PAK6: variants seen among roughly 807,000 people sequenced by gnomAD.
PAK6 encodes the protein p21 (RAC1) activated kinase 6.
A neutral mutation model predicts 60.8 loss-of-function variants in PAK6; 33 were observed. That is an observed-to-expected ratio of 0.54 (90% CI 0.41 to 0.73). The LOEUF is 0.73. Ranked by LOEUF, PAK6 falls within the 30% of genes least tolerant of loss-of-function variation. The pLI is 0.00. For synonymous variants in PAK6, 404 were observed against 378.5 expected, an observed-to-expected ratio of 1.07 and a Z score of -0.78; for missense variants, 845 against 904.1, an observed-to-expected ratio of 0.93 and a Z score of 0.84.
chr15:40,265,789 C>G, intron 4 of PAK6, 53 bp from the exon 5 acceptor site: 2 of 1,482,578 alleles, frequency 1.3e-6, no homozygotes, highest in South Asian at 2.8e-5. Flanking sequence ...CCAGCCACCC[C>G]TCCCTGCCAC....
At chr15:40,274,418 A>C in intron 10 of PAK6, 142 bp downstream of exon 10, 2 of 880,554 alleles carry the variant, frequency 2.3e-6, no homozygotes, top group Non-Finnish European at 1.7e-6. Flanking sequence ...TCCCCACACA[A>C]AACCCGCACC....
chr15:40,273,289 C>T, intron 7 of PAK6, 57 bp from the exon 8 acceptor site: 2 of 1,586,678 alleles, frequency 1.3e-6, no homozygotes, highest in South Asian at 2.3e-5. Flanking sequence ...TCAGCCACCC[C>T]ACGACCTGCC....
At chr15:40,253,499 C>CGGTAGGCTGGTAGA (rs2038748344) in intron 3 of PAK6, among the ~76,000 whole-genome samples, 1 of 152,274 alleles carries the variant, frequency 6.6e-6, no homozygotes, top group South Asian at 2.1e-4. Flanking sequence ...CATGGCCCCA[C>CGGTAGGCTGGTAGA]GGTAGGCTGG....
At chr15:40,247,378 T>C (rs1321011148) in intron 2 of PAK6, 1 of 152,002 alleles carries the variant, frequency 6.6e-6, no homozygotes, top group Non-Finnish European at 1.5e-5. Flanking sequence ...CTAAAATGAG[T>C]GTCCTTACCA....
intron 2 of PAK6, chr15:40,252,330 C>A (rs117614422): frequency 8.6e-6 from 11 of 1,275,510 alleles, no homozygotes; most frequent in Non-Finnish European, 9.2e-6. Context: ...GCCACTGGGC[C>A]GTGGAGCCGC....
intron 2 of PAK6, among the ~76,000 whole-genome samples, chr15:40,248,319 A>G (rs2038553588): frequency 6.6e-6 from 1 of 152,210 alleles, no homozygotes. Context: ...AGGAGCAGGA[A>G]GAAGCAGGTG....
chr15:40,255,966 A>G (rs1595578475), intron 3 of PAK6, among the ~76,000 whole-genome samples: 1 of 152,172 alleles, frequency 6.6e-6, no homozygotes, highest in African/African-American at 2.4e-5. Flanking sequence ...GAAGAAGCAA[A>G]CTAAACCACA....
chr15:40,240,395 G>T, intron 1 of PAK6: 1 of 341,564 alleles, frequency 2.9e-6, no homozygotes. Context: ...TGTGTGTCAG[G>T]AGGAGGGGGG....
chr15:40,268,909 C>T (rs1236689908), intron 5 of PAK6, among the ~76,000 whole-genome samples: 1 of 152,212 alleles, frequency 6.6e-6, no homozygotes, highest in Non-Finnish European at 1.5e-5. Context: ...CCACGGGCGT[C>T]CTGCGGGTTC....
At chr15:40,261,048 C>T (rs1039779636) in intron 3 of PAK6, among the ~76,000 whole-genome samples, 5 of 151,836 alleles carry the variant, frequency 3.3e-5, no homozygotes, top group African/African-American at 7.3e-5. Flanking sequence ...ACCACCACAC[C>T]CGGCTAATGT....
At chr15:40,240,317 G>C (rs1460826952) in intron 1 of PAK6, among the ~76,000 whole-genome samples, 1 of 152,200 alleles carries the variant, frequency 6.6e-6, no homozygotes, top group Non-Finnish European at 1.5e-5. Context: ...CCAGGGTACG[G>C]CTTCCCCATG....
At chr15:40,252,486 G>A in intron 2 of PAK6, 2 of 1,363,344 alleles carry the variant, frequency 1.5e-6, no homozygotes, top group South Asian at 2.3e-5. Flanking sequence ...AGCGACACTT[G>A]GCAACTTCTC....
At chr15:40,270,127 C>T (rs1227797135) in intron 5 of PAK6, among the ~76,000 whole-genome samples, 1 of 152,156 alleles carries the variant, frequency 6.6e-6, no homozygotes, top group Non-Finnish European at 1.5e-5. Context: ...TCCTTAGAGC[C>T]CCGAGCCTTT....
At chr15:40,247,819 A>G (rs1212849407) in intron 2 of PAK6, among the ~76,000 whole-genome samples, 2 of 152,164 alleles carry the variant, frequency 1.3e-5, no homozygotes, top group Non-Finnish European at 2.9e-5. Flanking sequence ...TTTAGTAGCA[A>G]GTGGTAGCCT....
chr15:40,261,517 A>G (rs2038985464), intron 3 of PAK6, among the ~76,000 whole-genome samples: 1 of 152,070 alleles, frequency 6.6e-6, no homozygotes, highest in African/African-American at 2.4e-5. Context: ...AGCCCGGGCA[A>G]GACAGCGAGA....
rs763701428 is a variant in PAK6, at chr15:40,276,033, G to A, written c.1985G>A (p.Gly662Glu). The A allele has an allele frequency of 5.6e-6, 9 of 1,613,370 alleles. No individual in the cohort carries two copies. The East Asian group carries it at 8.9e-5, about 16-fold the overall frequency. The stretch of plus-strand genomic sequence containing the variant: ...GACCACCCCTTCCTGCTGCAGACAG[G>A]GCTACCTGAGTGCCTGGTGCCCCTG... Residue 662 changes from glycine (G) to glutamate (E), a missense_variant, in exon 11 of 11, where the codon GGG becomes GAG. Coordinates refer to ENST00000560346, the Ensembl canonical transcript of PAK6.
intron 2 of PAK6, among the ~76,000 whole-genome samples, chr15:40,244,223 C>T (rs1338079925): frequency 2.7e-5 from 4 of 150,476 alleles, no homozygotes; most frequent in South Asian, 2.1e-4. Context: ...CCCAGCTACC[C>T]GGGAGGCTGA....
chr15:40,266,687 C>T, intron 5 of PAK6, 192 bp downstream of exon 5: 1 of 516,796 alleles, frequency 1.9e-6, no homozygotes, highest in Admixed American at 3.7e-5. Context: ...CCTTCCTTTC[C>T]TTCTTTTCTC....
Position 40,265,944 on chromosome 15 carries a change from C to T in PAK6, c.307C>T (p.Arg103Cys), listed in dbSNP as rs36081263. 9.2e-5 allele frequency: 148 copies of T among 1,606,528 alleles called. 1 individual carries two copies. Among genetic ancestry groups the T allele is most frequent in the Non-Finnish European group, 1.2e-4 (141 of 1,177,006 alleles). ...CATCAGCTCCAACACCCTGCGTGGC[C>T]GCAGCCCCACCAGCCGGCGGCGGGC... Residue 103 changes from arginine (R) to cysteine (C), a missense_variant, in exon 5 of 11, where the codon CGC becomes TGC. Physicochemically the swap from Arg to Cys is radical, Grantham distance 180 (BLOSUM62 -3). Coordinates refer to ENST00000560346, the Ensembl canonical transcript of PAK6.
Sources: gnomAD v4.1 joint callset for allele counts (sites outside exome capture counted in the v4.1 genomes callset) on GRCh38, gnomAD v4.1.1 for gene constraint, MANE v1.5 for transcripts, NCBI Gene and HGNC (gene_info 2026-07-23, HGNC 2026-07-21) for gene names.